Variants in MGAM observed in about 807,000 individuals in gnomAD.
The protein encoded by MGAM is alpha-1,4-glucosidase.
Under a neutral mutation model 358.8 loss-of-function variants are expected in MGAM, and 253 were observed. That is an observed-to-expected ratio of 0.71 (90% confidence interval 0.64 to 0.78). The LOEUF (loss-of-function observed/expected upper bound fraction) is 0.78, where lower values mean the gene tolerates loss of function less well. Among genes scored for constraint, MGAM ranks in the 30% least tolerant of loss-of-function variants. The pLI is 0.00. For synonymous variants in MGAM, 1,105 were observed against 1,227.1 expected (o/e 0.90, Z 2.08); for missense variants, 3,080 against 3,432.6 (o/e 0.90, Z 2.57).
chr7:142,051,596 G>A (rs1810958167), intron 24 of MGAM, among the ~76,000 whole-genome samples: 1 of 152,008 alleles, frequency 6.6e-6, no homozygotes, highest in Admixed American at 6.6e-5. Flanking sequence ...GGAGTCTTTG[G>A]GCTTAGAGAA....
rs775838690 is a variant in MGAM, at chr7:142,052,414, G to A, written c.2926G>A (p.Glu976Lys). The change falls in exon 25 of 71, where the codon GAA (glutamate) becomes AAA (lysine). Residue 976 changes from glutamate (E) to lysine (K), a missense_variant. Glu to Lys is a moderately conservative substitution (Grantham distance 56, BLOSUM62 1). This residue lies in a region of MGAM where 1,816 missense variants were observed against 1,840.5 expected (regional missense o/e 0.99). Coordinates refer to ENST00000475668, the MANE Select transcript of MGAM (RefSeq NM_001365693.1). Reference protein sequence around the residue: ...CYPDENGASAENCTARGCIWE... With the variant: ...CYPDENGASAKNCTARGCIWE... ...CCCTGATGAGAATGGTGCTTCTGCC[G>A]AAAACTGCACTGCCCGTGGCTGTAT... The A allele has an allele frequency of 1.5e-5, 25 of 1,613,230 alleles. No homozygotes were observed. The highest frequency in any genetic ancestry group is 4.5e-5 in the East Asian group (2 of 44,838).
chr7:142,093,338 C>A, intron 59 of MGAM, 74 bp from the exon 60 acceptor site: 1 of 1,456,466 alleles, frequency 6.9e-7, no homozygotes. Context: ...GATCCAGGGC[C>A]CAGTCCCTTG....
chr7:142,012,820 G>A (rs1805695110), intron 3 of MGAM, among the ~76,000 whole-genome samples: 1 of 152,114 alleles, frequency 6.6e-6, no homozygotes, highest in South Asian at 2.1e-4. Flanking sequence ...GGTGAAAATG[G>A]TGGTAAGACT....
At chr7:142,064,320 G>A (rs1178640055) in intron 36 of MGAM, 64 bp from the exon 37 acceptor site, 44 of 1,559,948 alleles carry the variant, frequency 2.8e-5, no homozygotes, top group African/African-American at 1.1e-4. Flanking sequence ...CCAGTCCCTT[G>A]AAGAGAAGTC....
chr7:142,105,744 C>T, intron 70 of MGAM, 70 bp from the exon 71 acceptor site: 1 of 1,156,514 alleles, frequency 8.6e-7, no homozygotes, highest in Non-Finnish European at 1.3e-6. Flanking sequence ...TGGATACTTG[C>T]ACCTGATTTA....
chr7:142,049,817 G>A (rs1421352081), intron 22 of MGAM, among the ~76,000 whole-genome samples: 1 of 152,160 alleles, frequency 6.6e-6, no homozygotes, highest in Admixed American at 6.6e-5. Context: ...CGAGGATGTG[G>A]AGAAAATGGA....
rs779427733 is a variant in MGAM, at chr7:142,078,437, A to C, written c.5613A>C (p.Ala1871=). The change falls in exon 48 of 71, where the codon GCA becomes GCC. Residue 1871 remains alanine, a synonymous_variant. Coordinates refer to ENST00000475668, the MANE Select transcript of MGAM (RefSeq NM_001365693.1). ...DCYPDENGDS[A]ENCTARGCIW... is the part of the protein sequence containing the mutation. ...ACCCTGATGAGAATGGTGATTCTGC[A>C]GAAAACTGCACTGCCCGTGGCTGTA... 5 of 1,545,340 alleles carry C rather than the reference A, an allele frequency of 3.2e-6. No individual in the cohort carries two copies. Among genetic ancestry groups the C allele is most frequent in the South Asian group, 1.1e-5 (1 of 87,496 alleles).
At chr7:142,008,200 C>A (rs568716175) in intron 2 of MGAM, among the ~76,000 whole-genome samples, 1 of 152,260 alleles carries the variant, frequency 6.6e-6, no homozygotes, top group East Asian at 1.9e-4. Flanking sequence ...AGTTACTGAC[C>A]CCTAGACTAA....
intron 57 of MGAM, among the ~76,000 whole-genome samples, chr7:142,089,347 C>G (rs1277868241): frequency 6.8e-6 from 1 of 146,616 alleles, no homozygotes; most frequent in African/African-American, 2.4e-5. Context: ...TCAGGGAATT[C>G]TCCACAAAAT....
chr7:142,041,901 T>C (rs1398825435), intron 21 of MGAM, among the ~76,000 whole-genome samples: 1 of 41,396 alleles, frequency 2.4e-5, no homozygotes, highest in African/African-American at 2.1e-4. Context: ...ATATAATATA[T>C]ATATTATATA....
chr7:142,031,801 G>T lies in MGAM; in HGVS notation c.1584+8G>T, dbSNP rs77392012. On this transcript the variant is annotated splice_region_variant and intron_variant, in intron 13 of 70. Transcript: ENST00000475668. Reference sequence around the variant, plus strand: ...TTTGATGGAATCTGGATTGTGAGTTGTTTACACTTGGATTATTAGGTGACA... The same window carrying T: ...TTTGATGGAATCTGGATTGTGAGTTTTTTACACTTGGATTATTAGGTGACA... 2 of 1,545,840 alleles carry T rather than the reference G, an allele frequency of 1.3e-6. No homozygotes were observed. Among genetic ancestry groups the T allele is most frequent in the African/African-American group, 1.4e-5 (1 of 73,418 alleles).
At chr7:142,065,087 C>T (rs1183245224) in intron 37 of MGAM, among the ~76,000 whole-genome samples, 1 of 152,044 alleles carries the variant, frequency 6.6e-6, no homozygotes, top group Admixed American at 6.6e-5. Context: ...CATAGTAATT[C>T]CTTAGTATTT....
chr7:142,031,407 G>A (rs11761379), intron 12 of MGAM, among the ~76,000 whole-genome samples: 23,358 of 152,194 alleles, frequency 0.15, 2,138 homozygotes, highest in Middle Eastern at 0.29. Flanking sequence ...GAACAAAGAA[G>A]TGTAGAGAGT....
chr7:141,998,929 T>C (rs933334669), intron 1 of MGAM, among the ~76,000 whole-genome samples: 17 of 152,260 alleles, frequency 1.1e-4, no homozygotes, highest in Admixed American at 2.6e-4. Flanking sequence ...TAAGATTATT[T>C]TCTGACCAAC....
intron 17 of MGAM, 87 bp downstream of exon 17, chr7:142,036,372 AC>A (rs1807999039): frequency 1.0e-6 from 1 of 987,612 alleles, no homozygotes; most frequent in Non-Finnish European, 1.6e-6. Context: ...GATCTGCTGA[AC>A]CAACCTCTTA....
upstream of MGAM, among the ~76,000 whole-genome samples, chr7:141,991,236 T>A (rs990780888): frequency 6.6e-6 from 1 of 152,196 alleles, no homozygotes; most frequent in Non-Finnish European, 1.5e-5. Context: ...ACTCTGTAGA[T>A]GTTGTTACTG....
At chr7:142,033,767 G>A (rs916602199) in intron 14 of MGAM, among the ~76,000 whole-genome samples, 7 of 152,104 alleles carry the variant, frequency 4.6e-5, no homozygotes, top group Admixed American at 3.9e-4. Flanking sequence ...AAGACATGAC[G>A]AAGCTACTGC....
At chr7:142,052,082 A>G (rs920785327) in intron 24 of MGAM, among the ~76,000 whole-genome samples, 2 of 152,162 alleles carry the variant, frequency 1.3e-5, no homozygotes, top group African/African-American at 2.4e-5. Context: ...GCTAAGTACA[A>G]GATTGTGCTA....
intron 21 of MGAM, among the ~76,000 whole-genome samples, chr7:142,042,835 A>G (rs1212854674): frequency 1.6e-5 from 1 of 60,782 alleles, no homozygotes; most frequent in East Asian, 4.7e-4. Flanking sequence ...TAATATCTAT[A>G]TTATATATAC....
Sources: gnomAD v4.1 joint callset for allele counts (sites outside exome capture counted in the v4.1 genomes callset) on GRCh38, gnomAD v4.1.1 for gene constraint, gnomAD v4.1.1 regional missense constraint, MANE v1.5 for transcripts, NCBI Gene and HGNC (gene_info 2026-07-23, HGNC 2026-07-21) for gene names.